The following AP3M1 variants were observed in gnomAD, a reference collection of about 807,000 sequenced individuals.
AP3M1 encodes adaptor related protein complex 3 subunit mu 1.
Under a neutral mutation model 42.6 loss-of-function variants are expected in AP3M1, and 29 were observed. That is an observed-to-expected ratio of 0.68 (90% CI 0.51 to 0.93). The LOEUF is 0.93. Among genes scored for constraint, AP3M1 ranks in the 40% least tolerant of loss-of-function variants. AP3M1 has a pLI of 0.00. For synonymous variants in AP3M1, 178 were observed against 175.3 expected, an observed-to-expected ratio of 1.02 and a Z score of -0.12; for missense variants, 416 against 510.2, an observed-to-expected ratio of 0.82 and a Z score of 1.78.
At chr10:74,144,426 A>G (rs1053822839) in intron 1 of AP3M1, among the ~76,000 whole-genome samples, 1 of 151,910 alleles carries the variant, frequency 6.6e-6, no homozygotes, top group Admixed American at 6.6e-5. Context: ...CACCACACAC[A>G]GCTGAGTTTC....
chr10:74,145,570 C>T (rs1448070953), intron 1 of AP3M1, among the ~76,000 whole-genome samples: 1 of 152,074 alleles, frequency 6.6e-6, no homozygotes, highest in African/African-American at 2.4e-5. Flanking sequence ...TTGGTAGCTG[C>T]AGTTATTTTT....
chr10:74,124,174 G>A (rs779816653), intron 8 of AP3M1, among the ~76,000 whole-genome samples: 40 of 152,156 alleles, frequency 2.6e-4, no homozygotes, highest in African/African-American at 2.2e-4. Context: ...AAATGAGGGC[G>A]GAGGTGAGGG....
intron 6 of AP3M1, among the ~76,000 whole-genome samples, chr10:74,128,013 T>A (rs1195600531): frequency 1.4e-5 from 2 of 141,308 alleles, no homozygotes; most frequent in East Asian, 4.2e-4. Context: ...GGCAGGAGAA[T>A]CACTTGAACC....
chr10:74,125,231 G>A (rs1032958566), intron 7 of AP3M1, among the ~76,000 whole-genome samples: 8 of 152,140 alleles, frequency 5.3e-5, no homozygotes, highest in African/African-American at 1.4e-4. Context: ...CACCCACCTC[G>A]GCCTCCCAAA....
chr10:74,130,122 G>T, intron 4 of AP3M1, 130 bp from the exon 5 acceptor site: 1 of 697,054 alleles, frequency 1.4e-6, no homozygotes. Context: ...CAAGGTTGGA[G>T]TGCAGTTGTA....
chr10:74,133,122 C>T (rs918803068), intron 4 of AP3M1, among the ~76,000 whole-genome samples: 5 of 152,030 alleles, frequency 3.3e-5, no homozygotes, highest in Admixed American at 6.6e-5. Flanking sequence ...GGGCCGGGAG[C>T]GGTGGCTCAC....
At chr10:74,144,766 G>A (rs1841281097) in intron 1 of AP3M1, among the ~76,000 whole-genome samples, 1 of 151,504 alleles carries the variant, frequency 6.6e-6, no homozygotes, top group African/African-American at 2.4e-5. Flanking sequence ...GGGTTCAAGC[G>A]ATTCTCCTGC....
At position 74,140,545 on chromosome 10, in the gene AP3M1, T is replaced by C. The variant is rs1321647226; in HGVS notation, c.-3-2163A>G. On this transcript the variant is annotated intron_variant, in intron 1 of 8. Coordinates refer to ENST00000355264, the MANE Select transcript of AP3M1 (RefSeq NM_012095.6). The stretch of plus-strand genomic sequence containing the variant: ...AGTCTGATTTACTATGAAACAAGAA[T>C]TGGGGGGATGCTTACAAAAATATGT... Among the ~76,000 whole-genome samples the C allele has an allele frequency of 2.0e-5, 3 of 151,138 alleles. 1 individual carries two copies. Among genetic ancestry groups the C allele is most frequent in the South Asian group, 4.1e-4 (2 of 4,820 alleles).
chr10:74,138,404 TA>T (rs776429644), intron 1 of AP3M1, 22 bp from the exon 2 acceptor site: 1 of 1,590,492 alleles, frequency 6.3e-7, no homozygotes, highest in South Asian at 1.1e-5. Flanking sequence ...AAGAAAGGTT[TA>T]AATTTATTAT....
chr10:74,126,000 G>T, intron 7 of AP3M1, 148 bp downstream of exon 7: 1 of 745,682 alleles, frequency 1.3e-6, no homozygotes, highest in Non-Finnish European at 2.2e-6. Flanking sequence ...TGCAGCCAGT[G>T]GCAGAAGCAC....
intron 1 of AP3M1, among the ~76,000 whole-genome samples, chr10:74,148,299 T>C (rs1178014904): frequency 2.6e-5 from 4 of 152,114 alleles, no homozygotes; most frequent in Non-Finnish European, 4.4e-5. Context: ...ACTGAGAGAC[T>C]AGGTCAAAGG....
chr10:74,128,859 G>A (rs912540917), intron 6 of AP3M1: 6 of 381,874 alleles, frequency 1.6e-5, no homozygotes, highest in South Asian at 3.6e-5. Context: ...CCCAGGTTAT[G>A]TATGGTTTGC....
At chr10:74,130,151 G>A in intron 4 of AP3M1, 159 bp from the exon 5 acceptor site, 2 of 604,098 alleles carry the variant, frequency 3.3e-6, no homozygotes, top group Non-Finnish European at 2.9e-6. Flanking sequence ...GCTCACTGCA[G>A]CCTCACTCCT....
chr10:74,136,968 G>T (rs1198259707), intron 2 of AP3M1, among the ~76,000 whole-genome samples, 165 bp from the exon 3 acceptor site: 1 of 152,170 alleles, frequency 6.6e-6, no homozygotes, highest in Non-Finnish European at 1.5e-5. Context: ...GTCCGGGCAT[G>T]GTGGCCCATG....
chr10:74,128,393 C>G (rs1236024281), intron 6 of AP3M1, among the ~76,000 whole-genome samples: 1 of 151,816 alleles, frequency 6.6e-6, no homozygotes, highest in African/African-American at 2.4e-5. Flanking sequence ...GCACACGCTA[C>G]CACGCCTGGC....
Position 74,124,413 on chromosome 10 carries a change from T to G in AP3M1, c.1123A>C (p.Ile375Leu), listed in dbSNP as rs374798446. 9.2e-5 allele frequency: 148 copies of G among 1,613,588 alleles called. No individual in the cohort carries two copies. The highest frequency in any genetic ancestry group is 1.2e-4 in the Admixed American group (7 of 59,902). The change falls in exon 8 of 9, where the codon ATA (isoleucine) becomes CTA (leucine). Residue 375 changes from isoleucine (I) to leucine (L), a missense_variant. Ile to Leu is a conservative substitution (Grantham distance 5). Transcript: ENST00000355264. ...PKPEENPSLNIQFKIQQLAIS... is the reference protein window; with the variant it reads ...PKPEENPSLNLQFKIQQLAIS... ...GCAAGCTGCTGGATCTTAAACTGTA[T>G]GTTGAGGCTCGGATTCTCTTCTGGT...
chr10:74,148,553 A>G (rs958705993), intron 1 of AP3M1, among the ~76,000 whole-genome samples: 1 of 151,408 alleles, frequency 6.6e-6, no homozygotes, highest in Non-Finnish European at 1.5e-5. Context: ...GTGTATATGT[A>G]TTTTTTTTTA....
In AP3M1 at chr10:74,123,790, T is replaced by A. The variant is rs745326128; in HGVS notation, c.*20A>T. 1 of 1,594,392 alleles carries A rather than the reference T, an allele frequency of 6.3e-7. No homozygotes were observed. The highest frequency in any genetic ancestry group is 1.3e-5 in the African/African-American group (1 of 74,466). ...TGACACTTGGAAAACAAACTGGTCC[T>A]GAGGAATTTTGGCCTCTTCTCATGT... On this transcript the variant is annotated 3_prime_UTR_variant, in exon 9 of 9. Transcript: ENST00000355264.
chr10:74,132,261 C>T (rs1306295237), intron 4 of AP3M1, among the ~76,000 whole-genome samples: 10 of 151,974 alleles, frequency 6.6e-5, no homozygotes, highest in African/African-American at 2.4e-4. Context: ...TGGTCTCAAA[C>T]TCCTGACCTC....
Sources: gnomAD v4.1 joint callset for allele counts (sites outside exome capture counted in the v4.1 genomes callset) on GRCh38, gnomAD v4.1.1 for gene constraint, MANE v1.5 for transcripts, NCBI Gene and HGNC (gene_info 2026-07-23, HGNC 2026-07-21) for gene names.